Variants in MCF2L observed in about 807,000 individuals in gnomAD.
MCF2L encodes MCF.2 cell line derived transforming sequence like.
Under a neutral mutation model 153.4 loss-of-function variants are expected in MCF2L, and 97 were observed. The observed-to-expected ratio is 0.63, with a 90% confidence interval of 0.54 to 0.75. MCF2L has a LOEUF of 0.75. MCF2L is among the 30% of genes least tolerant of loss of function. The probability of loss-of-function intolerance (pLI) is 0.00; values close to 1 mark genes in which losing one functional copy is unlikely to be tolerated. For missense variants in MCF2L, 1,347 were observed against 1,495.2 expected, an observed-to-expected ratio of 0.90 and a Z score of 1.64; for synonymous variants, 659 against 632.2, an observed-to-expected ratio of 1.04 and a Z score of -0.64.
At chr13:112,970,207 T>G (rs2081991018) in intron 1 of MCF2L, among the ~76,000 whole-genome samples, 1 of 152,168 alleles carries the variant, frequency 6.6e-6, no homozygotes, top group Non-Finnish European at 1.5e-5. Context: ...AAAAGTAAGT[T>G]GCCAAGTGTT....
At chr13:113,038,919 G>A (rs2086310810) in intron 3 of MCF2L, among the ~76,000 whole-genome samples, 1 of 152,166 alleles carries the variant, frequency 6.6e-6, no homozygotes, top group Non-Finnish European at 1.5e-5. Flanking sequence ...GTGCAATGGT[G>A]CTATCTCGGC....
chr13:113,083,532 T>C (rs1220955217), intron 17 of MCF2L, among the ~76,000 whole-genome samples: 1 of 152,090 alleles, frequency 6.6e-6, no homozygotes, highest in African/African-American at 2.4e-5. Flanking sequence ...CCCCAGACGG[T>C]TTTCCCCTCC....
At position 113,054,267 on chromosome 13, in the gene MCF2L, G is replaced by A. The variant is rs1322478453; in HGVS notation, c.370-6326G>A. On this transcript the variant is annotated intron_variant, in intron 4 of 29. Coordinates refer to ENST00000535094, the MANE Select transcript of MCF2L (RefSeq NM_001112732.3). The surrounding 1 kb of genome is among the most constrained non-coding windows in gnomAD (Gnocchi z 5.2). ...TTCGGGAGTGGGAGTGCGATTGGAT[G>A]TGTGTCTGCAGATTCTCCCTGTATT... is the stretch of plus-strand genomic sequence containing the variant. 2 of 167,896 alleles carry A rather than the reference G, an allele frequency of 1.2e-5. No individual in the cohort carries two copies. The highest frequency in any genetic ancestry group is 1.9e-4 in the East Asian group (1 of 5,194). 10.4% of individuals were successfully genotyped at this position (167,896 alleles called of 1,614,324 possible).
intron 16 of MCF2L, 50 bp from the exon 17 acceptor site, chr13:113,082,377 C>G (rs763650774): frequency 9.8e-6 from 11 of 1,120,394 alleles, no homozygotes; most frequent in East Asian, 4.8e-5. Flanking sequence ...ACCTGCCCCC[C>G]CACAGCATCA....
rs2083865524 is a variant in MCF2L, at chr13:113,008,569, C to T, written c.80-6194C>T. ...TTTGAAGTGATGCTCTCTGGATGGGCTGCATCCTAAGAATGTATCAAAAGT... is the reference window on the plus strand; with the variant it reads ...TTTGAAGTGATGCTCTCTGGATGGGTTGCATCCTAAGAATGTATCAAAAGT... On this transcript the variant is annotated intron_variant, in intron 1 of 29. Transcript: ENST00000535094. Among the ~76,000 whole-genome samples the T allele has an allele frequency of 3.3e-5, 5 of 152,190 alleles. 1 individual carries two copies. In the South Asian group the frequency reaches 1.0e-3, roughly 32 times the overall value.
chr13:112,940,576 C>G (rs1002031882), intron 2 of MCF2L, among the ~76,000 whole-genome samples: 5 of 152,248 alleles, frequency 3.3e-5, no homozygotes, highest in African/African-American at 1.2e-4. Flanking sequence ...TAGACAACTT[C>G]CATTTTGACT....
intron 25 of MCF2L, 111 bp from the exon 26 acceptor site, chr13:113,089,499 A>G: frequency 1.4e-6 from 1 of 737,770 alleles, no homozygotes; most frequent in South Asian, 1.7e-5. Flanking sequence ...ATGCTGCTTT[A>G]GGATCAGGCC....
At chr13:112,959,142 T>A (rs1017878685) in intron 2 of MCF2L, among the ~76,000 whole-genome samples, 1 of 152,238 alleles carries the variant, frequency 6.6e-6, no homozygotes, top group African/African-American at 2.4e-5. Flanking sequence ...AGTCTTGTTT[T>A]TACCAATTCT....
At chr13:112,938,914 G>T (rs1354984115) in intron 2 of MCF2L, among the ~76,000 whole-genome samples, 1 of 152,164 alleles carries the variant, frequency 6.6e-6, no homozygotes, top group Non-Finnish European at 1.5e-5. Context: ...GCCTTGCCAC[G>T]CGGGGGCCAG....
rs139596233 is a variant in MCF2L, at chr13:113,078,376, C to T, written c.1674C>T (p.Gly558=). 3.3e-5 allele frequency: 54 copies of T among 1,613,376 alleles called. No individual in the cohort carries two copies. In the African/African-American group the frequency reaches 6.1e-4, roughly 18 times the overall value. Residue 558 remains glycine (G), a synonymous_variant, in exon 14 of 30, where the codon GGC becomes GGT. Coordinates refer to ENST00000535094, the MANE Select transcript of MCF2L (RefSeq NM_001112732.3). ...TCTTCCCAACAGGCATTCGGCGAGG[C>T]TCTGAGAACTCCAGCTCCGAGGGCG... is the stretch of plus-strand genomic sequence containing the variant. ...SPCPSPGIRR[G]SENSSSEGGA... is the part of the protein sequence containing the mutation.
rs1016557035 is a variant in MCF2L at position 113,092,423 on chromosome 13, G to A, written c.2954-2091G>A. Reference sequence around the variant, plus strand: ...GGGTCATTTCCACCGTGGCCAGTGTGGTGTCGAAGCCGGGCCACTGCCTGT... The same window carrying A: ...GGGTCATTTCCACCGTGGCCAGTGTAGTGTCGAAGCCGGGCCACTGCCTGT... On this transcript the variant is annotated intron_variant, in intron 26 of 29. Coordinates refer to ENST00000535094, the MANE Select transcript of MCF2L (RefSeq NM_001112732.3). 3.5e-5 allele frequency among the ~76,000 whole-genome samples: 5 copies of A among 144,812 alleles called. 1 individual carries two copies. Among genetic ancestry groups the A allele is most frequent in the Non-Finnish European group, 7.9e-5 (5 of 62,966 alleles).
intron 3 of MCF2L, among the ~76,000 whole-genome samples, chr13:113,032,415 T>C (rs1280289902): frequency 6.6e-6 from 1 of 152,232 alleles, no homozygotes. Flanking sequence ...CACAGCTAAC[T>C]GTGGAGCTGC....
upstream of MCF2L, chr13:112,968,549 G>A (rs754622333): frequency 2.6e-6 from 4 of 1,550,252 alleles, no homozygotes; most frequent in Admixed American, 5.7e-5. Flanking sequence ...GCCCCTGCGG[G>A]GAGGGGCTGG....
At chr13:112,970,209 C>T (rs1302840555) in intron 1 of MCF2L, among the ~76,000 whole-genome samples, 1 of 152,042 alleles carries the variant, frequency 6.6e-6, no homozygotes, top group Non-Finnish European at 1.5e-5. Context: ...AAGTAAGTTG[C>T]CAAGTGTTTT....
At chr13:112,966,870 C>A (rs1385531340), upstream of MCF2L, among the ~76,000 whole-genome samples, 1 of 152,202 alleles carries the variant, frequency 6.6e-6, no homozygotes, top group African/African-American at 2.4e-5. The surrounding 1 kb of genome is among the most constrained non-coding windows in gnomAD (Gnocchi z 4.1). Context: ...GCTAGAAATG[C>A]ACATCCTCGG....
intron 1 of MCF2L, chr13:113,009,312 A>G (rs2083926734): frequency 6.6e-6 from 1 of 152,246 alleles, no homozygotes; most frequent in Admixed American, 6.5e-5. Flanking sequence ...GCTTTCTGAG[A>G]TCAGAAAAAT....
At chr13:112,944,233 GGGGAGGGTCCCGGGCCATGAA>G (rs1051714006) in intron 2 of MCF2L, among the ~76,000 whole-genome samples, 3 of 148,822 alleles carry the variant, frequency 2.0e-5, no homozygotes, top group African/African-American at 5.0e-5. Context: ...TGGGCTGTGA[GGGGAGGGTCCCGGGCCATGAA>G]GGGAGGGTCC....
At chr13:112,996,323 AAAAT>A (rs1384039171) in intron 1 of MCF2L, among the ~76,000 whole-genome samples, 1 of 152,296 alleles carries the variant, frequency 6.6e-6, no homozygotes, top group East Asian at 1.9e-4. Context: ...TTGGCTAGAA[AAAAT>A]AAATAAAAGG....
chr13:112,900,449 G>A (rs73571090), intron 1 of MCF2L, among the ~76,000 whole-genome samples: 1,730 of 152,320 alleles, frequency 0.011, 27 homozygotes, highest in African/African-American at 0.039. Context: ...CAAAAGACAT[G>A]TATGAAAAAC....
Sources: gnomAD v4.1 joint callset for allele counts (sites outside exome capture counted in the v4.1 genomes callset) on GRCh38, gnomAD v4.1.1 for gene constraint, Gnocchi (gnomAD v3.1) non-coding constraint, MANE v1.5 for transcripts, NCBI Gene and HGNC (gene_info 2026-07-23, HGNC 2026-07-21) for gene names.